Variants in GSE1 observed in about 807,000 individuals in gnomAD.
The protein encoded by GSE1 is genetic suppressor element 1.
Under a neutral mutation model 112.6 loss-of-function variants are expected in GSE1, and 32 were observed. That is an observed-to-expected ratio of 0.28 (90% confidence interval 0.21 to 0.38). The LOEUF (loss-of-function observed/expected upper bound fraction) is 0.38. Among genes scored for constraint, GSE1 ranks in the 10% least tolerant of loss-of-function variants. GSE1 has a pLI of 1.00. For synonymous variants in GSE1, 1,115 were observed against 735.6 expected (o/e 1.52, Z -8.35); for missense variants, 2,348 against 1,699.2 (o/e 1.38, Z -6.71).
upstream of GSE1, among the ~76,000 whole-genome samples, chr16:85,553,370 G>A (rs1190276916): frequency 6.6e-6 from 1 of 151,396 alleles, no homozygotes; most frequent in African/African-American, 2.4e-5. Context: ...CGGAAACAAA[G>A]GGCCGCCGGC....
chr16:85,372,270 A>C (rs1386034710), intron 2 of GSE1, among the ~76,000 whole-genome samples: 2 of 152,076 alleles, frequency 1.3e-5, no homozygotes, highest in Admixed American at 6.5e-5. Context: ...TGAGCCCAGG[A>C]GTTTCAGAAC....
intron 1 of GSE1, among the ~76,000 whole-genome samples, chr16:85,600,562 AACACACAC>A (rs144938363): frequency 6.7e-6 from 1 of 148,550 alleles, no homozygotes; most frequent in Non-Finnish European, 1.5e-5. Flanking sequence ...CTTGTTAAAA[AACACACAC>A]ACACACACAC....
chr16:85,403,334 C>T (rs1289710157), intron 2 of GSE1, among the ~76,000 whole-genome samples: 2 of 152,214 alleles, frequency 1.3e-5, no homozygotes, highest in Non-Finnish European at 2.9e-5. Flanking sequence ...CCAGCCCACA[C>T]TTAAAGGGCG....
intron 2 of GSE1, chr16:85,463,067 C>CG (rs2050019208): frequency 1.0e-6 from 1 of 984,464 alleles, no homozygotes; most frequent in Non-Finnish European, 1.2e-6. Context: ...TCCCGCGGCC[C>CG]GGGGGGCGGC....
Position 85,657,502 on chromosome 16 carries a change from C to T in GSE1, c.1538C>T (p.Ser513Phe), listed in dbSNP as rs2052065901. The T allele has an allele frequency of 6.2e-7, 1 of 1,606,076 alleles. No homozygotes were observed. Among genetic ancestry groups the T allele is most frequent in the African/African-American group, 1.3e-5 (1 of 74,788 alleles). Reference sequence around the variant, plus strand: ...CGGCAGGAGAAGGAGGACCGGCAGTCTCAGGTGTCCGAGTTCCGGCAGCAG... The same window carrying T: ...CGGCAGGAGAAGGAGGACCGGCAGTTTCAGGTGTCCGAGTTCCGGCAGCAG... The part of the protein sequence containing the change: ...RLRQEKEDRQ[S>F]QVSEFRQQVL... Residue 513 changes from serine (S) to phenylalanine (F), a missense_variant, in exon 8 of 16, where the codon TCT becomes TTT. Physicochemically the swap from Ser to Phe is radical, Grantham distance 155. Coordinates refer to ENST00000253458, the MANE Select transcript of GSE1 (RefSeq NM_014615.5).
chr16:85,477,317 A>T, intron 2 of GSE1, among the ~76,000 whole-genome samples: 1 of 152,000 alleles, frequency 6.6e-6, no homozygotes. Flanking sequence ...CTCAGTGAAG[A>T]TTCCGAATAT....
At chr16:85,631,038 G>A (rs977083785) in intron 1 of GSE1, among the ~76,000 whole-genome samples, 34 of 152,144 alleles carry the variant, frequency 2.2e-4, no homozygotes, top group Admixed American at 2.2e-3. Context: ...GTTCCCCGGG[G>A]CCCTGCTCCT....
intron 1 of GSE1, among the ~76,000 whole-genome samples, chr16:85,596,721 G>T (rs907818413): frequency 6.6e-6 from 1 of 152,192 alleles, no homozygotes; most frequent in Non-Finnish European, 1.5e-5. Context: ...GGACAGTTCA[G>T]ATGGACAACG....
At chr16:85,554,326 GGA>G, upstream of GSE1, among the ~76,000 whole-genome samples, 1 of 152,166 alleles carries the variant, frequency 6.6e-6, no homozygotes, top group East Asian at 1.9e-4. Flanking sequence ...GGCGTGGGGA[GGA>G]GAGATACAGG....
intron 1 of GSE1, among the ~76,000 whole-genome samples, chr16:85,338,421 G>T (rs1389741024): frequency 1.3e-5 from 2 of 152,178 alleles, no homozygotes; most frequent in Non-Finnish European, 2.9e-5. Context: ...AGCTGGCTCT[G>T]TGTGACGTGA....
chr16:85,241,502 A>T (rs372645811), intron 1 of GSE1, among the ~76,000 whole-genome samples: 3 of 151,924 alleles, frequency 2.0e-5, no homozygotes, highest in Non-Finnish European at 1.5e-5. Flanking sequence ...GGAGTTGGTT[A>T]TTTTTTTTCA....
At chr16:85,328,095 C>T (rs535141332) in intron 1 of GSE1, among the ~76,000 whole-genome samples, 264 of 152,354 alleles carry the variant, frequency 1.7e-3, no homozygotes, top group African/African-American at 6.1e-3. Context: ...GCATTGCATG[C>T]AGTAGGTGCT....
chr16:85,209,530 A>G (rs1192179846), intron 1 of GSE1, among the ~76,000 whole-genome samples: 4 of 149,662 alleles, frequency 2.7e-5, no homozygotes, highest in African/African-American at 9.8e-5. Context: ...CCCCATCACC[A>G]TCGCTGCCCC....
At chr16:85,439,868 A>G (rs1392199143) in intron 2 of GSE1, among the ~76,000 whole-genome samples, 1 of 152,184 alleles carries the variant, frequency 6.6e-6, no homozygotes, top group Non-Finnish European at 1.5e-5. Flanking sequence ...GCATGCACAC[A>G]TATGTGTACA....
intron 1 of GSE1, among the ~76,000 whole-genome samples, chr16:85,245,550 T>C (rs1345872954): frequency 6.6e-6 from 1 of 152,224 alleles, no homozygotes; most frequent in East Asian, 1.9e-4. Flanking sequence ...GCACTTCCCC[T>C]CTTTTCTTGC....
chr16:85,324,509 C>CAAAA (rs58493568), intron 1 of GSE1, among the ~76,000 whole-genome samples: 3 of 98,110 alleles, frequency 3.1e-5, no homozygotes, highest in Non-Finnish European at 6.8e-5. Context: ...GACTCCCTCT[C>CAAAA]AAAAAAAAAA....
intron 12 of GSE1, 100 bp from the exon 13 acceptor site, chr16:85,665,876 C>T (rs1447254110): frequency 8.6e-7 from 1 of 1,162,962 alleles, no homozygotes; most frequent in Non-Finnish European, 1.3e-6. Context: ...TGCGCTAGGT[C>T]TTTGTTAAGT....
intron 2 of GSE1, among the ~76,000 whole-genome samples, chr16:85,466,140 C>T (rs952726662): frequency 2.0e-5 from 3 of 152,200 alleles, no homozygotes; most frequent in Non-Finnish European, 2.9e-5. Flanking sequence ...TTGAGTGGAA[C>T]ACGTGGTCAG....
At chr16:85,422,738 G>T (rs2048879844) in intron 2 of GSE1, among the ~76,000 whole-genome samples, 1 of 152,166 alleles carries the variant, frequency 6.6e-6, no homozygotes, top group South Asian at 2.1e-4. Context: ...GGACTTGGGA[G>T]GCCGGAGCCA....
Sources: gnomAD v4.1 joint callset for allele counts (sites outside exome capture counted in the v4.1 genomes callset) on GRCh38, gnomAD v4.1.1 for gene constraint, MANE v1.5 for transcripts, NCBI Gene and HGNC (gene_info 2026-07-23, HGNC 2026-07-21) for gene names.